Variants in COL11A1 observed in about 807,000 individuals in gnomAD.
The protein encoded by COL11A1 is collagen alpha-1(XI) chain.
Under a neutral mutation model 265.2 loss-of-function variants are expected in COL11A1, and 74 were observed. The observed-to-expected ratio is 0.28, with a 90% CI of 0.23 to 0.34. The LOEUF is 0.34. Among genes scored for constraint, COL11A1 ranks in the 10% least tolerant of loss-of-function variants. The pLI is 1.00. For missense variants in COL11A1, 2,165 were observed against 2,263.6 expected, an observed-to-expected ratio of 0.96 and a Z score of 0.88; for synonymous variants, 816 against 727.6, an observed-to-expected ratio of 1.12 and a Z score of -1.96.
chr1:103,025,588 T>C lies in COL11A1; in HGVS notation c.923A>G (p.Glu308Gly), dbSNP rs753793345. 3.7e-6 allele frequency: 6 copies of C among 1,613,642 alleles called. No individual in the cohort carries two copies. The Admixed American group carries it at 6.7e-5, about 18-fold the overall frequency. The stretch of plus-strand genomic sequence containing the variant: ...ACTTTCCATTGTTCCATAGTTGTAT[T>C]CTTGAAAATCATCAACGATGTTTGC... ...TEANIVDDFQ[E>G]YNYGTMESYQ... The change falls in exon 7 of 67, where the codon GAA (glutamate) becomes GGA (glycine). Residue 308 changes from glutamate to glycine, a missense_variant. Coordinates refer to ENST00000370096, the MANE Select transcript of COL11A1 (RefSeq NM_001854.4).
intron 42 of COL11A1, among the ~76,000 whole-genome samples, chr1:102,945,415 A>G (rs1659165333): frequency 6.6e-6 from 1 of 152,152 alleles, no homozygotes; most frequent in Non-Finnish European, 1.5e-5. Flanking sequence ...ATTATAAATT[A>G]CCCAGTCTGT....
In COL11A1 at chr1:102,888,581, G is replaced by A. The variant is rs1651317010; in HGVS notation, c.4604C>T (p.Ser1535Phe). ...GDSGLPGPPG[S>F]PGPPGEVIQP... is the part of the protein sequence containing the mutation. ...CTCTTGTTAACATATACTTACTGGA[G>A]ACCCAGGAGGCCCTGGAAGACCACT... The change falls in exon 62 of 67, where the codon TCT becomes TTT. Residue 1535 changes from serine (S) to phenylalanine (F), a missense_variant. Physicochemically the swap from Ser to Phe is radical, Grantham distance 155. Coordinates refer to ENST00000370096, the MANE Select transcript of COL11A1 (RefSeq NM_001854.4). 6.2e-7 allele frequency: 1 copy of A among 1,612,166 alleles called. No individual in the cohort carries two copies. The highest frequency in any genetic ancestry group is 8.5e-7 in the Non-Finnish European group (1 of 1,178,324).
intron 1 of COL11A1, among the ~76,000 whole-genome samples, chr1:103,091,750 A>G (rs1184999335): frequency 2.0e-5 from 3 of 152,096 alleles, no homozygotes; most frequent in African/African-American, 2.4e-5. Flanking sequence ...TAAATAAACA[A>G]ATGTTGGCAT....
chr1:102,997,178 A>T lies in COL11A1; in HGVS notation c.2197-54T>A, dbSNP rs1265518811. 5 of 1,384,982 alleles carry T rather than the reference A, an allele frequency of 3.6e-6. No homozygotes were observed. In the African/African-American group the frequency reaches 4.3e-5, roughly 12 times the overall value. The allele number at this position is 1,384,982 out of a possible 1,614,324, so 85.8% of individuals were successfully genotyped here. ...AGATGTAATATAAACATAGTTGATA[A>T]TACTACGAAAGTATTTCTTTTGTTA... On this transcript the variant is annotated intron_variant, in intron 25 of 66. Transcript: ENST00000370096.
At chr1:103,000,486 G>A (rs1464205127) in intron 24 of COL11A1, among the ~76,000 whole-genome samples, 11 of 151,736 alleles carry the variant, frequency 7.2e-5, no homozygotes, top group Admixed American at 7.2e-4. Flanking sequence ...TATAGAAATG[G>A]CCAATAAGCA....
intron 5 of COL11A1, among the ~76,000 whole-genome samples, chr1:103,030,031 C>T (rs1365873605): frequency 6.6e-6 from 1 of 152,014 alleles, no homozygotes; most frequent in Admixed American, 6.6e-5. Flanking sequence ...TAAGTCAGCA[C>T]ATAACCTCTT....
intron 41 of COL11A1, among the ~76,000 whole-genome samples, chr1:102,952,389 GC>G (rs1346870322): frequency 6.6e-6 from 1 of 152,152 alleles, no homozygotes; most frequent in East Asian, 1.9e-4. Context: ...GAGCCACCGT[GC>G]CCAGCCAGAT....
rs757172350 is a variant in COL11A1, at chr1:103,022,748, T to G, written c.1239A>C (p.Glu413Asp). 3 of 1,613,514 alleles carry G rather than the reference T, an allele frequency of 1.9e-6. No individual in the cohort carries two copies. The highest frequency in any genetic ancestry group is 2.5e-6 in the Non-Finnish European group (3 of 1,179,968). Residue 413 changes from glutamate (E) to aspartate (D), a missense_variant, in exon 8 of 67, where the codon GAA (glutamate) becomes GAC (aspartate). Coordinates refer to ENST00000370096, the MANE Select transcript of COL11A1 (RefSeq NM_001854.4). Reference protein sequence around the residue: ...PGVPAETDITETSINGHGAYG... With the variant: ...PGVPAETDITDTSINGHGAYG... ...GTGCATAGTATCAACTTACGCTTGT[T>G]TCTGTAATATCAGTTTCTGCTGGTA...
chr1:102,970,540 A>G (rs1436243449), intron 36 of COL11A1, among the ~76,000 whole-genome samples: 1 of 152,208 alleles, frequency 6.6e-6, no homozygotes, highest in Admixed American at 6.5e-5. Context: ...CATTTGTAAA[A>G]TAATATTTGC....
At chr1:103,101,591 G>A (rs577892726) in intron 1 of COL11A1, among the ~76,000 whole-genome samples, 1 of 152,012 alleles carries the variant, frequency 6.6e-6, no homozygotes, top group East Asian at 1.9e-4. Context: ...AAGCCCGGAT[G>A]TCAGTTTACC....
intron 5 of COL11A1, among the ~76,000 whole-genome samples, chr1:103,030,102 C>A (rs1667850775): frequency 6.6e-6 from 1 of 151,952 alleles, no homozygotes; most frequent in African/African-American, 2.4e-5. Context: ...TCACAGAAAA[C>A]ATATTTGGTG....
At chr1:103,021,918 G>A (rs528128700) in intron 8 of COL11A1, 149 bp from the exon 9 acceptor site, 8 of 651,950 alleles carry the variant, frequency 1.2e-5, no homozygotes, top group African/African-American at 5.6e-5. Context: ...CTCGATCTCC[G>A]CTCACTGCAA....
intron 4 of COL11A1, among the ~76,000 whole-genome samples, chr1:103,060,699 T>C (rs140191308): frequency 3.5e-4 from 53 of 152,190 alleles, no homozygotes; most frequent in African/African-American, 1.2e-3. Context: ...AGGCGGCACA[T>C]GCATTTAATC....
chr1:102,966,381 G>T (rs1276008626), intron 37 of COL11A1, among the ~76,000 whole-genome samples: 1 of 152,066 alleles, frequency 6.6e-6, no homozygotes, highest in African/African-American at 2.4e-5. Flanking sequence ...GAAAAAAAAT[G>T]GGTAGGAACT....
chr1:103,023,281 G>C (rs1335940779), intron 7 of COL11A1, among the ~76,000 whole-genome samples: 1 of 151,834 alleles, frequency 6.6e-6, no homozygotes, highest in Non-Finnish European at 1.5e-5. Flanking sequence ...GAAAAAACAT[G>C]TTAGTCAATT....
At chr1:102,962,059 A>G in intron 40 of COL11A1, 117 bp downstream of exon 40, 1 of 1,044,176 alleles carries the variant, frequency 9.6e-7, no homozygotes, top group Non-Finnish European at 1.5e-6. Flanking sequence ...TGTAATGATA[A>G]TCAAATATAT....
At chr1:102,959,671 T>C (rs2101551473) in intron 41 of COL11A1, among the ~76,000 whole-genome samples, 1 of 152,332 alleles carries the variant, frequency 6.6e-6, no homozygotes, top group Non-Finnish European at 1.5e-5. Flanking sequence ...AAGTAAGTAA[T>C]AATTCTCAAA....
At chr1:102,917,587 T>A (rs1352738211) in intron 49 of COL11A1, among the ~76,000 whole-genome samples, 5 of 151,912 alleles carry the variant, frequency 3.3e-5, no homozygotes, top group African/African-American at 1.2e-4. Flanking sequence ...CACAGAAAGT[T>A]AGAAATGCAG....
intron 9 of COL11A1, among the ~76,000 whole-genome samples, chr1:103,019,986 C>A (rs1351888403): frequency 7.1e-6 from 1 of 140,464 alleles, no homozygotes; most frequent in Non-Finnish European, 1.6e-5. Flanking sequence ...TCCAGTCTAT[C>A]CTTGTTGGAC....
Sources: gnomAD v4.1 joint callset for allele counts (sites outside exome capture counted in the v4.1 genomes callset) on GRCh38, gnomAD v4.1.1 for gene constraint, MANE v1.5 for transcripts, NCBI Gene and HGNC (gene_info 2026-07-23, HGNC 2026-07-21) for gene names.